Variants in TBL1X observed in about 807,000 individuals in gnomAD.
TBL1X encodes F-box-like/WD repeat-containing protein TBL1X.
A neutral mutation model predicts 50.7 loss-of-function variants in TBL1X; 10 were observed. That is an observed-to-expected ratio of 0.20 (90% CI 0.12 to 0.33). TBL1X has a LOEUF of 0.33. Ranked by LOEUF, TBL1X falls within the 10% of genes least tolerant of loss-of-function variation. TBL1X has a pLI of 1.00. For missense variants in TBL1X, 340 were observed against 504.4 expected (o/e 0.67, Z 3.12); for synonymous variants, 190 against 214.7 (o/e 0.88, Z 1.01).
At chrX:9,573,066 C>T (rs746020219) in intron 2 of TBL1X, among the ~76,000 whole-genome samples, 3 of 112,861 alleles carry the variant, frequency 2.7e-5, no homozygotes, top group East Asian at 5.5e-4. Context: ...TTCACTTTTC[C>T]TTTTGTTAAC....
At chrX:9,600,862 G>A (rs1048492915) in intron 2 of TBL1X, among the ~76,000 whole-genome samples, 36 of 111,603 alleles carry the variant, frequency 3.2e-4, no homozygotes, top group African/African-American at 1.2e-3. Context: ...CTTCCATTCC[G>A]GAGGATGACA....
chrX:9,684,037 C>A lies in TBL1X; in HGVS notation c.212-6C>A, dbSNP rs914665161. On this transcript the variant is annotated splice_region_variant and splice_polypyrimidine_tract_variant and intron_variant, in intron 5 of 17. Coordinates refer to ENST00000645353, the MANE Select transcript of TBL1X (RefSeq NM_005647.4). ...ACTCAACCTCAGCTTTCCCCTCTTGCCACAGGTTTTTCCCACTCGGCTTTC... is the reference window on the plus strand; with the variant it reads ...ACTCAACCTCAGCTTTCCCCTCTTGACACAGGTTTTTCCCACTCGGCTTTC... 8.3e-7 allele frequency: 1 copy of A among 1,210,001 alleles called. No individual in the cohort carries two copies. The highest frequency in any genetic ancestry group is 1.1e-6 in the Non-Finnish European group (1 of 895,255).
At chrX:9,618,367 A>G (rs1313546281) in intron 2 of TBL1X, among the ~76,000 whole-genome samples, 1 of 111,972 alleles carries the variant, frequency 8.9e-6, no homozygotes, top group African/African-American at 3.3e-5. Context: ...AAGGATCAGT[A>G]TTAGGTGGGC....
intron 2 of TBL1X, among the ~76,000 whole-genome samples, chrX:9,587,010 A>G (rs1008755109): frequency 8.9e-6 from 1 of 112,348 alleles, no homozygotes; most frequent in Non-Finnish European, 1.9e-5. Flanking sequence ...TGTCAGTATA[A>G]TAATTGTAGG....
chrX:9,707,717 CT>C (rs2083217705), intron 13 of TBL1X, among the ~76,000 whole-genome samples: 1 of 112,641 alleles, frequency 8.9e-6, no homozygotes, highest in Non-Finnish European at 1.9e-5. Context: ...CCTTGCTGGC[CT>C]TGCATACACA....
At chrX:9,583,196 C>A (rs911983899) in intron 2 of TBL1X, among the ~76,000 whole-genome samples, 3 of 112,463 alleles carry the variant, frequency 2.7e-5, no homozygotes, top group Non-Finnish European at 3.8e-5. Context: ...CTGTGTCTGT[C>A]CTCCAGGTTC....
chrX:9,675,066 T>G (rs192948041), intron 5 of TBL1X, among the ~76,000 whole-genome samples: 10 of 112,126 alleles, frequency 8.9e-5, no homozygotes, highest in Non-Finnish European at 1.1e-4. Context: ...ACATTTGCCC[T>G]CACGCTACTT....
At chrX:9,504,258 C>T (rs1189591238) in intron 2 of TBL1X, among the ~76,000 whole-genome samples, 2 of 111,764 alleles carry the variant, frequency 1.8e-5, no homozygotes, top group African/African-American at 6.5e-5. Context: ...GCATCAACAA[C>T]AACAATCAAA....
chrX:9,672,786 T>C, intron 5 of TBL1X, among the ~76,000 whole-genome samples: 1 of 112,634 alleles, frequency 8.9e-6, no homozygotes, highest in Non-Finnish European at 1.9e-5. Context: ...CATCACCATT[T>C]CCCTACCACA....
intron 2 of TBL1X, among the ~76,000 whole-genome samples, chrX:9,529,780 CA>C (rs60004258): frequency 0.27 from 21,359 of 80,508 alleles, 2,197 homozygotes; most frequent in East Asian, 0.48. Context: ...CTGTCTCTAC[CA>C]AAAAAAAAAA....
chrX:9,500,276 C>CAAAAA (rs386416596), intron 1 of TBL1X, among the ~76,000 whole-genome samples: 1 of 39,763 alleles, frequency 2.5e-5, no homozygotes, highest in Admixed American at 4.1e-4. Context: ...GACCCTGTCT[C>CAAAAA]AAAAAAAAAA....
At chrX:9,693,243 G>T in intron 10 of TBL1X, 31 bp downstream of exon 10, 2 of 1,210,306 alleles carry the variant, frequency 1.7e-6, no homozygotes, top group Non-Finnish European at 2.2e-6. Context: ...GCTGGGGTCG[G>T]GTAAGAGGAG....
chrX:9,607,265 C>G (rs943317218), intron 2 of TBL1X, among the ~76,000 whole-genome samples: 11 of 112,990 alleles, frequency 9.7e-5, no homozygotes, highest in Non-Finnish European at 2.1e-4. Context: ...AGTGCCAGTT[C>G]TGGACACTCG....
At chrX:9,687,757 G>A (rs1349990582) in intron 6 of TBL1X, among the ~76,000 whole-genome samples, 2 of 104,902 alleles carry the variant, frequency 1.9e-5, no homozygotes, top group African/African-American at 7.1e-5. Context: ...TGTCCTCAAT[G>A]CCCCAATTGG....
intron 2 of TBL1X, among the ~76,000 whole-genome samples, chrX:9,516,453 A>G (rs2082081356): frequency 8.9e-6 from 1 of 112,282 alleles, no homozygotes; most frequent in African/African-American, 3.2e-5. Flanking sequence ...GGGCCAGCAC[A>G]GACGGAGATA....
chrX:9,564,336 G>C (rs1309477700), intron 2 of TBL1X, among the ~76,000 whole-genome samples: 1 of 111,808 alleles, frequency 8.9e-6, no homozygotes, highest in Non-Finnish European at 1.9e-5. Context: ...ACCAAGAAAG[G>C]GGGAGGTTTG....
chrX:9,593,400 C>T (rs1601781210), intron 2 of TBL1X, among the ~76,000 whole-genome samples: 1 of 105,157 alleles, frequency 9.5e-6, no homozygotes, highest in East Asian at 2.9e-4. Flanking sequence ...GAGACTCCAT[C>T]TTAAAAATAA....
chrX:9,567,359 C>G (rs2082356606), intron 2 of TBL1X, among the ~76,000 whole-genome samples: 1 of 111,139 alleles, frequency 9.0e-6, no homozygotes, highest in African/African-American at 3.3e-5. Context: ...ATGGAGCCAG[C>G]GTGCACCGCC....
chrX:9,705,206 C>G, intron 13 of TBL1X, 92 bp downstream of exon 13: 1 of 1,165,483 alleles, frequency 8.6e-7, no homozygotes, highest in Non-Finnish European at 1.2e-6. Context: ...GCTACTGCAG[C>G]AGCAGACCAG....
Sources: gnomAD v4.1 joint callset for allele counts (sites outside exome capture counted in the v4.1 genomes callset) on GRCh38, gnomAD v4.1.1 for gene constraint, MANE v1.5 for transcripts, NCBI Gene and HGNC (gene_info 2026-07-23, HGNC 2026-07-21) for gene names.